GRAMD2A: variants seen among roughly 807,000 people sequenced by gnomAD.
The protein encoded by GRAMD2A is GRAM domain containing 2A.
Under a neutral mutation model 51.1 loss-of-function variants are expected in GRAMD2A, and 37 were observed. That is an observed-to-expected ratio of 0.72 (90% CI 0.56 to 0.95). The LOEUF is 0.95. GRAMD2A is among the 40% of genes least tolerant of loss of function. The pLI, the probability that GRAMD2A is intolerant of heterozygous loss-of-function variation, is 0.00. For synonymous variants in GRAMD2A, 136 were observed against 157.1 expected (o/e 0.87, Z 1.01); for missense variants, 414 against 426.9 (o/e 0.97, Z 0.27).
At chr15:72,162,549 G>T (rs1457218055) in intron 10 of GRAMD2A, among the ~76,000 whole-genome samples, 172 bp from the exon 11 acceptor site, 1 of 152,172 alleles carries the variant, frequency 6.6e-6, no homozygotes, top group Admixed American at 6.5e-5. Flanking sequence ...CACCATGTAG[G>T]GGTCTTCAGA....
rs1369487563 is a variant in GRAMD2A at position 72,161,091 on chromosome 15, A to C, written c.*918T>G. 1 of 152,398 alleles carries C rather than the reference A, an allele frequency of 6.6e-6. No individual in the cohort carries two copies. Among genetic ancestry groups the C allele is most frequent in the Non-Finnish European group, 1.5e-5 (1 of 68,184 alleles). 9.4% of individuals were successfully genotyped at this position (152,398 alleles called of 1,614,324 possible). The stretch of plus-strand genomic sequence containing the variant: ...TGTTGGCCATGCCTGAGATGCGGGC[A>C]GGCAGGCAGGGAGTGGACAGCAAGA... On this transcript the variant is annotated 3_prime_UTR_variant, in exon 12 of 12. Transcript: ENST00000309731.
intron 1 of GRAMD2A, among the ~76,000 whole-genome samples, chr15:72,195,915 C>T (rs143908462): frequency 3.4e-4 from 51 of 151,890 alleles, no homozygotes; most frequent in African/African-American, 1.1e-3. Flanking sequence ...AGCAAAACTC[C>T]GTCTCAAAAA....
At position 72,161,748 on chromosome 15, in the gene GRAMD2A, A is replaced by G. The variant is rs1457174721; in HGVS notation, c.*261T>C. 1 of 494,240 alleles carries G rather than the reference A, an allele frequency of 2.0e-6. No homozygotes were observed. Among genetic ancestry groups the G allele is most frequent in the African/African-American group, 1.9e-5 (1 of 51,522 alleles). 30.6% of individuals were successfully genotyped at this position (494,240 alleles called of 1,614,324 possible). A position where few individuals can be genotyped will look rare whatever the true frequency, so the allele number is the denominator to read the frequency against. On this transcript the variant is annotated 3_prime_UTR_variant, in exon 12 of 12. Coordinates refer to ENST00000309731, the MANE Select transcript of GRAMD2A (RefSeq NM_001012642.3). ...AAGTGTTTGCTGAAGCTTTGTGTAC[A>G]GAATTCCTCAGTTGGTTCCAAAAAA...
intron 9 of GRAMD2A, 25 bp from the exon 10 acceptor site, chr15:72,163,501 A>T (rs2081504571): frequency 6.2e-7 from 1 of 1,609,138 alleles, no homozygotes; most frequent in Non-Finnish European, 8.5e-7. Flanking sequence ...AGAAAAAAAA[A>T]ATCAGCTCTC....
chr15:72,168,444 C>T (rs2081572047), intron 4 of GRAMD2A, 47 bp downstream of exon 4: 3 of 1,420,796 alleles, frequency 2.1e-6, no homozygotes, highest in African/African-American at 1.4e-5. Context: ...GGCCCCTGGC[C>T]CCAGGCACTC....
intron 1 of GRAMD2A, among the ~76,000 whole-genome samples, chr15:72,181,999 C>T (rs545416048): frequency 3.0e-4 from 46 of 152,276 alleles, no homozygotes; most frequent in African/African-American, 1.0e-3. Flanking sequence ...TTCAACAAAT[C>T]ATGCTGGGAC....
chr15:72,188,480 A>G lies in GRAMD2A; in HGVS notation c.41+9251T>C, dbSNP rs1199721509. On this transcript the variant is annotated intron_variant, in intron 1 of 11. Transcript: ENST00000309731. ...ATGTAACCATTAAAAATATTTATCA[A>G]TATTTATTAAAACTTATTAAAAAGT... 4.6e-5 allele frequency among the ~76,000 whole-genome samples: 7 copies of G among 152,290 alleles called. No homozygotes were observed. In the East Asian group the frequency reaches 1.2e-3, roughly 25 times the overall value.
At chr15:72,192,468 A>G (rs955354674) in intron 1 of GRAMD2A, among the ~76,000 whole-genome samples, 15 of 152,364 alleles carry the variant, frequency 9.8e-5, no homozygotes, top group African/African-American at 3.4e-4. Flanking sequence ...GCAGGTTTTG[A>G]GTAATCTGAT....
intron 1 of GRAMD2A, among the ~76,000 whole-genome samples, chr15:72,180,159 C>T (rs935053253): frequency 3.3e-5 from 5 of 152,204 alleles, no homozygotes; most frequent in African/African-American, 7.2e-5. Context: ...CAGCTAAAAC[C>T]GGGAAGCTTT....
intron 1 of GRAMD2A, among the ~76,000 whole-genome samples, chr15:72,197,242 G>C (rs561990639): frequency 0.011 from 1,682 of 152,318 alleles, 14 homozygotes; most frequent in Admixed American, 0.018. Context: ...CCGCAGCCGC[G>C]GGCCGCTACA....
At chr15:72,180,824 C>T (rs1312729961) in intron 1 of GRAMD2A, among the ~76,000 whole-genome samples, 1 of 152,198 alleles carries the variant, frequency 6.6e-6, no homozygotes, top group Admixed American at 6.5e-5. Flanking sequence ...GAGAAAGTCA[C>T]AGCCCAGGAG....
intron 5 of GRAMD2A, 36 bp downstream of exon 5, chr15:72,167,700 C>T (rs1381728113): frequency 6.6e-7 from 1 of 1,507,436 alleles, no homozygotes; most frequent in African/African-American, 1.4e-5. Flanking sequence ...TGGCTCCCCT[C>T]ACAGGGTCAT....
In GRAMD2A at chr15:72,163,761, C is replaced by G. The variant is rs1350118781; in HGVS notation, c.601-4G>C. On this transcript the variant is annotated splice_polypyrimidine_tract_variant and splice_region_variant and intron_variant, in intron 8 of 11. Transcript: ENST00000309731. ...TCATCTCAGGGATGAGGACTTCCTGCAGTAAGACAGGAGAAGCTATCTTAC... is the reference window on the plus strand; with the variant it reads ...TCATCTCAGGGATGAGGACTTCCTGGAGTAAGACAGGAGAAGCTATCTTAC... The G allele has an allele frequency of 6.2e-7, 1 of 1,608,780 alleles. No individual in the cohort carries two copies. Among genetic ancestry groups the G allele is most frequent in the Admixed American group, 1.7e-5 (1 of 58,250 alleles).
intron 1 of GRAMD2A, among the ~76,000 whole-genome samples, chr15:72,192,500 A>G (rs908623383): frequency 7.9e-5 from 12 of 152,334 alleles, no homozygotes; most frequent in South Asian, 2.1e-4. Flanking sequence ...CATATTAGAA[A>G]TATCTAAACT....
Position 72,170,954 on chromosome 15 carries a change from G to A in GRAMD2A, c.42-1015C>T, listed in dbSNP as rs1161233630. On this transcript the variant is annotated intron_variant, in intron 1 of 11. Transcript: ENST00000309731. This position sits in a 1 kb window ranked among gnomAD's most constrained non-coding sequence, Gnocchi z 4.5. ...TCTCTTCTTCAAGAACAGAGTTTTC[G>A]CCTCAGCCCAAGATCTGCCAGGACC... Among the ~76,000 whole-genome samples, 1 of 152,126 alleles carries A rather than the reference G, an allele frequency of 6.6e-6. No homozygotes were observed.
In GRAMD2A at chr15:72,163,325, G is replaced by A; in HGVS notation, c.897C>T (p.Pro299=). 1 of 1,612,924 alleles carries A rather than the reference G, an allele frequency of 6.2e-7. No individual in the cohort carries two copies. Among genetic ancestry groups the A allele is most frequent in the Non-Finnish European group, 8.5e-7 (1 of 1,178,938 alleles). Reference sequence around the variant, plus strand: ...AGAGCCTCAGCTCCCCAGTGCTCCTGGGCTCCTCCTCCAGCTCATCCTCCT... The same window carrying A: ...AGAGCCTCAGCTCCCCAGTGCTCCTAGGCTCCTCCTCCAGCTCATCCTCCT... ...VYEEDELEEE[P]RSTGELRLWD... Residue 299 remains proline, a synonymous_variant, in exon 10 of 12, where the codon CCC becomes CCT. Coordinates refer to ENST00000309731, the MANE Select transcript of GRAMD2A (RefSeq NM_001012642.3).
chr15:72,178,099 G>GC (rs1295350421), intron 1 of GRAMD2A, among the ~76,000 whole-genome samples: 2 of 152,158 alleles, frequency 1.3e-5, no homozygotes, highest in African/African-American at 4.8e-5. Context: ...GAAGAATCCT[G>GC]CCCCCACCCC....
At chr15:72,163,110 G>T (rs968385315) in intron 10 of GRAMD2A, among the ~76,000 whole-genome samples, 156 bp downstream of exon 10, 1 of 152,144 alleles carries the variant, frequency 6.6e-6, no homozygotes, top group South Asian at 2.1e-4. Flanking sequence ...ACAGAAGGGC[G>T]TGCCACATGG....
intron 2 of GRAMD2A, chr15:72,169,443 G>A (rs915944733): frequency 1.7e-5 from 9 of 514,870 alleles, no homozygotes; most frequent in African/African-American, 1.5e-4. Context: ...CACAGGCCAT[G>A]ATGCCAGCAG....
Sources: gnomAD v4.1 joint callset for allele counts (sites outside exome capture counted in the v4.1 genomes callset) on GRCh38, gnomAD v4.1.1 for gene constraint, Gnocchi (gnomAD v3.1) non-coding constraint, MANE v1.5 for transcripts, NCBI Gene and HGNC (gene_info 2026-07-23, HGNC 2026-07-21) for gene names.